GTF3C1: variants seen among roughly 807,000 people sequenced by gnomAD.
GTF3C1 encodes general transcription factor 3C polypeptide 1.
In GTF3C1, 57 loss-of-function variants were observed where a neutral mutation model predicts 226.7. The observed-to-expected ratio is 0.25, with a 90% CI of 0.20 to 0.31. The LOEUF is 0.31. Among genes scored for constraint, GTF3C1 ranks in the 10% least tolerant of loss-of-function variants. GTF3C1 has a pLI of 1.00. For synonymous variants in GTF3C1, 1,090 were observed against 1,084.8 expected, an observed-to-expected ratio of 1.00 and a Z score of -0.09; for missense variants, 2,217 against 2,776.1, an observed-to-expected ratio of 0.80 and a Z score of 4.53.
rs145380586 is a variant in GTF3C1 at position 27,503,857 on chromosome 16, C to A, written c.1771-862G>T. ...TGCCACCTCCCAGCTGGGAGTAGCA[C>A]TTTCAGGAAATGAGAAAGTGCCCAA... On this transcript the variant is annotated intron_variant, in intron 10 of 36. Transcript: ENST00000356183. Among the ~76,000 whole-genome samples, 1,214 of 152,234 alleles carry A rather than the reference C, an allele frequency of 8.0e-3. 17 individuals carry two copies. The highest frequency in any genetic ancestry group is 0.028 in the African/African-American group (1,157 of 41,538).
In GTF3C1 at chr16:27,537,846, T is replaced by G; in HGVS notation, c.690A>C (p.Arg230=). The G allele has an allele frequency of 6.2e-7, 1 of 1,612,770 alleles. No individual in the cohort carries two copies. The highest frequency in any genetic ancestry group is 1.1e-5 in the South Asian group (1 of 91,038). Residue 230 remains arginine, a synonymous_variant, in exon 4 of 37, where the codon CGA becomes CGC. Coordinates refer to ENST00000356183, the MANE Select transcript of GTF3C1 (RefSeq NM_001520.4). ...AGTGTTGCTGGGCTCCAGTGGGTAA[T>G]CGGATCACATGGGACTGCATTGTAA... ...GLITMQSHVI[R]LPTGAQQHSI...
At chr16:27,512,959 C>T (rs1318292149) in intron 6 of GTF3C1, among the ~76,000 whole-genome samples, 2 of 152,140 alleles carry the variant, frequency 1.3e-5, no homozygotes, top group East Asian at 1.9e-4. Flanking sequence ...CAACCTGGAG[C>T]GGGACAACCA....
intron 25 of GTF3C1, chr16:27,483,390 A>C: frequency 1.7e-6 from 1 of 595,094 alleles, no homozygotes; most frequent in South Asian, 1.5e-5. Flanking sequence ...CTGAGTCCCA[A>C]ACTGTCTCTC....
intron 26 of GTF3C1, 144 bp downstream of exon 26, chr16:27,482,900 G>T: frequency 1.5e-6 from 1 of 674,262 alleles, no homozygotes; most frequent in South Asian, 1.8e-5. Context: ...CCAGAGAGCT[G>T]ACTCGGTGAT....
chr16:27,491,710 GTCC>G (rs2088235327), intron 19 of GTF3C1, among the ~76,000 whole-genome samples: 1 of 148,294 alleles, frequency 6.7e-6, no homozygotes, highest in African/African-American at 2.6e-5. Context: ...GGCCTGTCCT[GTCC>G]TCCTCACTGT....
chr16:27,517,753 C>A (rs563853419), intron 6 of GTF3C1, among the ~76,000 whole-genome samples: 1 of 152,166 alleles, frequency 6.6e-6, no homozygotes, highest in Non-Finnish European at 1.5e-5. Flanking sequence ...CCATTGTGTT[C>A]GGTGTTTTCG....
chr16:27,488,027 C>T (rs544902655), intron 23 of GTF3C1, among the ~76,000 whole-genome samples, 200 bp downstream of exon 23: 13 of 152,156 alleles, frequency 8.5e-5, no homozygotes, highest in South Asian at 8.3e-4. Context: ...GGGAAGCATA[C>T]GGGATATTCG....
rs1245888782 is a variant in GTF3C1, at chr16:27,493,580, T to C, written c.2779-284A>G. On this transcript the variant is annotated intron_variant, in intron 16 of 36. Coordinates refer to ENST00000356183, the MANE Select transcript of GTF3C1 (RefSeq NM_001520.4). ...CTTTCCCGGGGGCAACATAAGAATA[T>C]ATACATTTATATTTTAAACAAGAAA... 2.0e-5 allele frequency among the ~76,000 whole-genome samples: 3 copies of C among 152,192 alleles called. No individual in the cohort carries two copies. In the South Asian group the frequency reaches 6.2e-4, roughly 31 times the overall value.
chr16:27,548,597 CCT>C (rs2089204585), intron 1 of GTF3C1, among the ~76,000 whole-genome samples: 1 of 152,138 alleles, frequency 6.6e-6, no homozygotes, highest in South Asian at 2.1e-4. Context: ...TGGAACCTCC[CCT>C]GACCCTCACA....
At position 27,501,324 on chromosome 16, in the gene GTF3C1, T is replaced by G; in HGVS notation, c.1928A>C (p.Asp643Ala). The change falls in exon 12 of 37, where the codon GAT (aspartate) becomes GCT (alanine). Residue 643 changes from aspartate (D) to alanine (A), a missense_variant. This residue lies in a region of GTF3C1 where 52 missense variants were observed against 110.8 expected (regional missense o/e 0.47). Coordinates refer to ENST00000356183, the MANE Select transcript of GTF3C1 (RefSeq NM_001520.4). ...SLFTIQKMIM[D>A]QEKQEGVSTK... ...GGACACGCCTTCCTGCTTCTCCTGA[T>G]CCATGATCATCTTCTGAATCCTGGG... 6.2e-7 allele frequency: 1 copy of G among 1,614,140 alleles called. No individual in the cohort carries two copies. Among genetic ancestry groups the G allele is most frequent in the Non-Finnish European group, 8.5e-7 (1 of 1,180,010 alleles).
At position 27,471,236 on chromosome 16, in the gene GTF3C1, C is replaced by G. The variant is rs989811572; in HGVS notation, c.4526+512G>C. 1.3e-5 allele frequency among the ~76,000 whole-genome samples: 2 copies of G among 152,218 alleles called. No individual in the cohort carries two copies. The highest frequency in any genetic ancestry group is 2.9e-5 in the Non-Finnish European group (2 of 68,038). On this transcript the variant is annotated intron_variant, in intron 30 of 36. Coordinates refer to ENST00000356183, the MANE Select transcript of GTF3C1 (RefSeq NM_001520.4). This position sits in a 1 kb window ranked among gnomAD's most constrained non-coding sequence, Gnocchi z 5.0. ...TTCTCAGGGACTCTCTGCGTGTGGT[C>G]AGGAGGCTGGTGGTGCAACGCCCTC...
At chr16:27,523,732 C>G (rs1418256528) in intron 6 of GTF3C1, among the ~76,000 whole-genome samples, 3 of 152,178 alleles carry the variant, frequency 2.0e-5, no homozygotes, top group Admixed American at 6.5e-5. Flanking sequence ...CATGAGCTAG[C>G]TAGAAAGAAC....
Position 27,480,858 on chromosome 16 carries a change from T to G in GTF3C1, c.4196+221A>C, listed in dbSNP as rs535566824. 3.6e-5 allele frequency: 19 copies of G among 521,048 alleles called. 1 individual carries two copies. In the South Asian group the frequency reaches 5.1e-4, roughly 14 times the overall value. 32.3% of individuals were successfully genotyped at this position (521,048 alleles called of 1,614,324 possible). A position where few individuals can be genotyped will look rare whatever the true frequency, so the allele number is the denominator to read the frequency against. On this transcript the variant is annotated intron_variant, in intron 27 of 36. Coordinates refer to ENST00000356183, the MANE Select transcript of GTF3C1 (RefSeq NM_001520.4). The stretch of plus-strand genomic sequence containing the variant: ...AGTACACCAACCAAACAAGGAAGCC[T>G]GAAGGACCAATGGGAGAATGAACAT...
intron 1 of GTF3C1, 36 bp downstream of exon 1, chr16:27,549,634 C>A: frequency 1.3e-6 from 1 of 797,076 alleles, no homozygotes; most frequent in South Asian, 1.6e-5. Flanking sequence ...GCCCTGCGCC[C>A]GCCCGCCCGC....
In GTF3C1 at chr16:27,501,347, G is replaced by A. The variant is rs781705866; in HGVS notation, c.1908-3C>T. ...GATCCATGATCATCTTCTGAATCCT[G>A]GGCATCACAAAATAAGCAGATAACA... On this transcript the variant is annotated splice_polypyrimidine_tract_variant and splice_region_variant and intron_variant, in intron 11 of 36. Transcript: ENST00000356183. 6.2e-7 allele frequency: 1 copy of A among 1,613,806 alleles called. No individual in the cohort carries two copies.
intron 11 of GTF3C1, among the ~76,000 whole-genome samples, chr16:27,501,630 G>A (rs994201588): frequency 6.6e-6 from 1 of 152,212 alleles, no homozygotes; most frequent in African/African-American, 2.4e-5. Flanking sequence ...CAGGGAAACT[G>A]GGCACCATGA....
chr16:27,487,410 T>C (rs2088158584), intron 23 of GTF3C1, among the ~76,000 whole-genome samples: 1 of 152,242 alleles, frequency 6.6e-6, no homozygotes, highest in South Asian at 2.1e-4. Flanking sequence ...ACTGGTCTCC[T>C]TTCCACTCCC....
At chr16:27,490,476 C>G (rs1273331659) in intron 19 of GTF3C1, among the ~76,000 whole-genome samples, 1 of 152,162 alleles carries the variant, frequency 6.6e-6, no homozygotes, top group Non-Finnish European at 1.5e-5. Context: ...TCACCCACAG[C>G]AGCTGGAACT....
chr16:27,464,910 A>C, intron 33 of GTF3C1, 74 bp from the exon 34 acceptor site: 1 of 1,262,766 alleles, frequency 7.9e-7, no homozygotes, highest in South Asian at 1.5e-5. Context: ...GGACGAGTGG[A>C]GTGGCCTCCC....
Sources: gnomAD v4.1 joint callset for allele counts (sites outside exome capture counted in the v4.1 genomes callset) on GRCh38, gnomAD v4.1.1 for gene constraint, gnomAD v4.1.1 regional missense constraint, Gnocchi (gnomAD v3.1) non-coding constraint, MANE v1.5 for transcripts, NCBI Gene and HGNC (gene_info 2026-07-23, HGNC 2026-07-21) for gene names.